The following MAPKAP1 variants were observed in gnomAD, a reference collection of about 807,000 sequenced individuals.
The protein encoded by MAPKAP1 is MAPK associated protein 1.
Under a neutral mutation model 65.7 loss-of-function variants are expected in MAPKAP1, and 20 were observed. That is an observed-to-expected ratio of 0.30 (90% CI 0.21 to 0.44). The LOEUF (loss-of-function observed/expected upper bound fraction) is 0.44. Ranked by LOEUF, MAPKAP1 falls within the 20% of genes least tolerant of loss-of-function variation. MAPKAP1 has a pLI of 1.00. For missense variants in MAPKAP1, 423 were observed against 648.0 expected, an observed-to-expected ratio of 0.65 and a Z score of 3.77; for synonymous variants, 222 against 244.3, an observed-to-expected ratio of 0.91 and a Z score of 0.85.
chr9:125,544,893 G>C (rs976991280), intron 6 of MAPKAP1, among the ~76,000 whole-genome samples: 7 of 152,162 alleles, frequency 4.6e-5, no homozygotes, highest in Admixed American at 2.0e-4. Context: ...CTCTCCACAG[G>C]GGCTGGGGGC....
intron 1 of MAPKAP1, among the ~76,000 whole-genome samples, chr9:125,681,475 CTCT>C (rs1373070301): frequency 6.6e-6 from 1 of 152,234 alleles, no homozygotes; most frequent in Non-Finnish European, 1.5e-5. Context: ...GAGGCACAGT[CTCT>C]TCTTCTATCA....
intron 6 of MAPKAP1, among the ~76,000 whole-genome samples, chr9:125,558,437 C>G (rs1195707756): frequency 6.6e-6 from 1 of 152,166 alleles, no homozygotes; most frequent in East Asian, 1.9e-4. Flanking sequence ...CACTCCCCAG[C>G]TTACCCCCAG....
At chr9:125,516,189 C>T (rs944230654) in intron 7 of MAPKAP1, among the ~76,000 whole-genome samples, 3 of 152,174 alleles carry the variant, frequency 2.0e-5, no homozygotes, top group Admixed American at 1.3e-4. Context: ...ACTGGGGTTT[C>T]CATTTCTTTG....
chr9:125,562,438 C>T (rs1830919366), intron 5 of MAPKAP1, among the ~76,000 whole-genome samples: 1 of 152,202 alleles, frequency 6.6e-6, no homozygotes, highest in African/African-American at 2.4e-5. Flanking sequence ...TGAATAGAAG[C>T]CTCTTCTGGG....
chr9:125,621,992 T>C (rs569260608), intron 4 of MAPKAP1, among the ~76,000 whole-genome samples: 3 of 152,308 alleles, frequency 2.0e-5, no homozygotes, highest in African/African-American at 7.2e-5. Context: ...GCAACATGGA[T>C]GAGTCTGGAG....
intron 8 of MAPKAP1, among the ~76,000 whole-genome samples, chr9:125,502,827 C>T (rs1309093625): frequency 6.6e-6 from 1 of 152,160 alleles, no homozygotes; most frequent in Non-Finnish European, 1.5e-5. Flanking sequence ...TAAGTTTTCT[C>T]TATTATACAT....
At chr9:125,596,046 C>A in intron 4 of MAPKAP1, 4 of 1,323,756 alleles carry the variant, frequency 3.0e-6, no homozygotes, top group Non-Finnish European at 4.3e-6. Context: ...TTTTGAACAG[C>A]GTGGAAAAAC....
At chr9:125,522,567 C>A (rs1275085134) in intron 7 of MAPKAP1, among the ~76,000 whole-genome samples, 1 of 152,204 alleles carries the variant, frequency 6.6e-6, no homozygotes, top group Non-Finnish European at 1.5e-5. Flanking sequence ...TCTGCAGACT[C>A]TACCCACTTA....
At chr9:125,614,184 C>G (rs1034151686) in intron 4 of MAPKAP1, among the ~76,000 whole-genome samples, 3 of 152,188 alleles carry the variant, frequency 2.0e-5, no homozygotes, top group Admixed American at 2.0e-4. Flanking sequence ...ATCTTACAGG[C>G]CAGGTTTACT....
intron 1 of MAPKAP1, among the ~76,000 whole-genome samples, chr9:125,702,840 G>A (rs1023782502): frequency 7.9e-5 from 12 of 151,164 alleles, no homozygotes; most frequent in Admixed American, 4.0e-4. Context: ...CAACAAGAGC[G>A]AGACTTTGTC....
chr9:125,515,913 G>A (rs1829447490), intron 7 of MAPKAP1, among the ~76,000 whole-genome samples: 2 of 151,880 alleles, frequency 1.3e-5, no homozygotes, highest in Admixed American at 6.6e-5. Context: ...TGAGTAGATG[G>A]CACTCTTTCC....
chr9:125,610,559 T>TG, intron 4 of MAPKAP1, among the ~76,000 whole-genome samples: 1 of 152,310 alleles, frequency 6.6e-6, no homozygotes, highest in South Asian at 2.1e-4. Context: ...AATAAGACCG[T>TG]GATACCCTCC....
chr9:125,584,194 G>A (rs1405110802), intron 5 of MAPKAP1, among the ~76,000 whole-genome samples: 4 of 152,120 alleles, frequency 2.6e-5, no homozygotes, highest in South Asian at 4.1e-4. Flanking sequence ...GAGGTGTGCC[G>A]CTGACTGAAC....
At chr9:125,685,833 G>A (rs1346353249) in intron 1 of MAPKAP1, among the ~76,000 whole-genome samples, 1 of 152,050 alleles carries the variant, frequency 6.6e-6, no homozygotes, top group Non-Finnish European at 1.5e-5. Flanking sequence ...TGTTCCCAAG[G>A]GGCTGTCCGG....
intron 4 of MAPKAP1, among the ~76,000 whole-genome samples, chr9:125,588,051 G>C (rs980746740): frequency 6.6e-6 from 1 of 152,150 alleles, no homozygotes; most frequent in African/African-American, 2.4e-5. Context: ...ATGACCAAGC[G>C]ATTCCATTCC....
rs529361648 is a variant in MAPKAP1, at chr9:125,472,799, GA to G, written c.1208-4691del. On this transcript the variant is annotated intron_variant, in intron 9 of 11. Coordinates refer to ENST00000265960, the MANE Select transcript of MAPKAP1 (RefSeq NM_001006617.3). ...GACAGGAAAACCATTTATAAAAAAA[GA>G]TGTCAAAAGGACGTGCTCCAAAAAC... Among the ~76,000 whole-genome samples, 9 of 152,300 alleles carry G rather than the reference GA, an allele frequency of 5.9e-5. No homozygotes were observed. In the South Asian group the frequency reaches 1.9e-3, roughly 32 times the overall value.
intron 4 of MAPKAP1, among the ~76,000 whole-genome samples, chr9:125,600,603 T>C (rs572136422): frequency 1.3e-5 from 2 of 152,322 alleles, no homozygotes; most frequent in East Asian, 3.9e-4. Flanking sequence ...CCAGGCAGAT[T>C]TTTGGACAAA....
chr9:125,608,951 G>T (rs1420282001), intron 4 of MAPKAP1, among the ~76,000 whole-genome samples: 2 of 152,158 alleles, frequency 1.3e-5, no homozygotes, highest in African/African-American at 4.8e-5. Context: ...ATGGAGGTGG[G>T]TTACACAATT....
intron 5 of MAPKAP1, among the ~76,000 whole-genome samples, chr9:125,566,742 T>C (rs1831066474): frequency 6.6e-6 from 1 of 152,180 alleles, no homozygotes. Context: ...TTCTTCAATG[T>C]CCACCCAGTC....
Sources: gnomAD v4.1 joint callset for allele counts (sites outside exome capture counted in the v4.1 genomes callset) on GRCh38, gnomAD v4.1.1 for gene constraint, MANE v1.5 for transcripts, NCBI Gene and HGNC (gene_info 2026-07-23, HGNC 2026-07-21) for gene names.